SLC9A1: variants seen among roughly 807,000 people sequenced by gnomAD.
SLC9A1 encodes sodium/hydrogen exchanger 1.
In SLC9A1, 22 loss-of-function variants were observed where a neutral mutation model predicts 67.9. The ratio of observed to expected loss-of-function variants is 0.32; its 90% CI spans 0.23 to 0.46. The LOEUF is 0.46. Ranked by LOEUF, SLC9A1 falls within the 20% of genes least tolerant of loss-of-function variation. The pLI is 1.00. For missense variants in SLC9A1, 686 were observed against 1,094.8 expected (o/e 0.63, Z 5.27); for synonymous variants, 421 against 471.8 (o/e 0.89, Z 1.40).
At position 27,114,030 on chromosome 1, in the gene SLC9A1, G is replaced by A; in HGVS notation, c.609C>T (p.Phe203=). 6.2e-7 allele frequency: 1 copy of A among 1,614,162 alleles called. No homozygotes were observed. The highest frequency in any genetic ancestry group is 1.3e-5 in the African/African-American group (1 of 75,080). ...AVVGTLWNAF[F]LGGLMYAVCL... is the part of the protein sequence containing the mutation. Reference sequence around the variant, plus strand: ...ACACGGCGTACATGAGGCCGCCCAGGAAGAAGGCGTTCCACAGCGTGCCCA... The same window carrying A: ...ACACGGCGTACATGAGGCCGCCCAGAAAGAAGGCGTTCCACAGCGTGCCCA... The change falls in exon 2 of 12, where the codon TTC becomes TTT. Residue 203 remains phenylalanine (F), a synonymous_variant. Transcript: ENST00000263980. This position sits in a 1 kb window ranked among gnomAD's most constrained non-coding sequence, Gnocchi z 5.4.
rs1275212048 is a variant in SLC9A1, at chr1:27,101,071, G to C, written c.2110+132C>G. On this transcript the variant is annotated intron_variant, in intron 11 of 11. Transcript: ENST00000263980. The surrounding 1 kb of genome is among the most constrained non-coding windows in gnomAD (Gnocchi z 4.9). ...CTGACGTAGAAGCAGCTCATGGCTT[G>C]GGAGGGGATCCTGAGGTCAGCGAGG... is the stretch of plus-strand genomic sequence containing the variant. 1 of 675,856 alleles carries C rather than the reference G, an allele frequency of 1.5e-6. No homozygotes were observed. Among genetic ancestry groups the C allele is most frequent in the Admixed American group, 2.4e-5 (1 of 41,336 alleles). 41.9% of individuals were successfully genotyped at this position (675,856 alleles called of 1,614,324 possible).
At chr1:27,110,546 G>A (rs2083221021) in intron 2 of SLC9A1, among the ~76,000 whole-genome samples, 1 of 152,206 alleles carries the variant, frequency 6.6e-6, no homozygotes, top group Non-Finnish European at 1.5e-5. Flanking sequence ...ACCATCAGAT[G>A]TTTAAGTGGC....
chr1:27,099,792 G>A lies in SLC9A1; in HGVS notation c.*515C>T, dbSNP rs1315242642. 1 of 153,952 alleles carries A rather than the reference G, an allele frequency of 6.5e-6. No individual in the cohort carries two copies. The highest frequency in any genetic ancestry group is 1.4e-5 in the Non-Finnish European group (1 of 69,128). The allele number at this position is 153,952 out of a possible 1,614,324, so 9.5% of individuals were successfully genotyped here. ...AGGTTGGGTGGTGGCCAGGGTGACA[G>A]AGCTGGCAGGAGGAGTGTGAGACCT... On this transcript the variant is annotated 3_prime_UTR_variant, in exon 12 of 12. Coordinates refer to ENST00000263980, the MANE Select transcript of SLC9A1 (RefSeq NM_003047.5).
intron 6 of SLC9A1, 79 bp from the exon 7 acceptor site, chr1:27,102,822 T>A: frequency 7.9e-7 from 1 of 1,263,602 alleles, no homozygotes; most frequent in Non-Finnish European, 1.1e-6. Context: ...CCCCACTCCC[T>A]CCCGTAGCTG....
rs2083181094 is a variant in SLC9A1 at position 27,105,877 on chromosome 1, C to A, written c.1485+8G>T. On this transcript the variant is annotated splice_region_variant and intron_variant, in intron 5 of 11. Coordinates refer to ENST00000263980, the MANE Select transcript of SLC9A1 (RefSeq NM_003047.5). ...AAGGCAAGGGCCTGCCCTGCCCTGG[C>A]CCAGCACCTGCACAAAGACGGTGAA... The A allele has an allele frequency of 6.2e-7, 1 of 1,612,750 alleles. No individual in the cohort carries two copies.
intron 2 of SLC9A1, among the ~76,000 whole-genome samples, chr1:27,110,014 G>C (rs1443183227): frequency 6.6e-6 from 1 of 152,218 alleles, no homozygotes; most frequent in African/African-American, 2.4e-5. Context: ...GGGAAGCTCT[G>C]TGAAGACCCT....
Position 27,101,319 on chromosome 1 carries a change from AGG to A in SLC9A1, c.2038-46_2038-45del, listed in dbSNP as rs1441713343. 4.6e-6 allele frequency: 7 copies of A among 1,519,724 alleles called. No individual in the cohort carries two copies. In the East Asian group the frequency reaches 1.6e-4, roughly 34 times the overall value. The allele number at this position is 1,519,724 out of a possible 1,614,324, so 94.1% of individuals were successfully genotyped here. A position where few individuals can be genotyped will look rare whatever the true frequency, so the allele number is the denominator to read the frequency against. On this transcript the variant is annotated intron_variant, in intron 10 of 11. Coordinates refer to ENST00000263980, the MANE Select transcript of SLC9A1 (RefSeq NM_003047.5). This position sits in a 1 kb window ranked among gnomAD's most constrained non-coding sequence, Gnocchi z 4.9. ...GGGGTGAGCACAGGCAGCTGGGCAG[AGG>A]GAGCCCCTCAGGACAGAACCCGGCC... is the stretch of plus-strand genomic sequence containing the variant.
chr1:27,136,428 C>T (rs999061216), intron 1 of SLC9A1, among the ~76,000 whole-genome samples: 4 of 152,234 alleles, frequency 2.6e-5, no homozygotes, highest in Non-Finnish European at 5.9e-5. Context: ...TTGGCCCCGC[C>T]CACTGGGCCA....
chr1:27,113,717 C>T, intron 2 of SLC9A1, 109 bp downstream of exon 2: 2 of 846,770 alleles, frequency 2.4e-6, no homozygotes, highest in Non-Finnish European at 3.8e-6. Flanking sequence ...CGGGAATGTG[C>T]CTCAGCTGTT....
chr1:27,150,711 C>T (rs1243924628), intron 1 of SLC9A1, among the ~76,000 whole-genome samples: 1 of 152,196 alleles, frequency 6.6e-6, no homozygotes, highest in East Asian at 1.9e-4. Flanking sequence ...ATGTCACCCA[C>T]TGAGTCAGAG....
At chr1:27,102,839 T>A in intron 6 of SLC9A1, 96 bp from the exon 7 acceptor site, 1 of 1,107,192 alleles carries the variant, frequency 9.0e-7, no homozygotes, top group Non-Finnish European at 1.3e-6. Flanking sequence ...GCTGCAGCCC[T>A]GCTGGGTCCA....
Position 27,101,192 on chromosome 1 carries a change from C to T in SLC9A1, c.2110+11G>A. 4 of 1,607,560 alleles carry T rather than the reference C, an allele frequency of 2.5e-6. No individual in the cohort carries two copies. The highest frequency in any genetic ancestry group is 3.4e-6 in the Non-Finnish European group (4 of 1,178,862). On this transcript the variant is annotated intron_variant, in intron 11 of 11. Coordinates refer to ENST00000263980, the MANE Select transcript of SLC9A1 (RefSeq NM_003047.5). This position sits in a 1 kb window ranked among gnomAD's most constrained non-coding sequence, Gnocchi z 4.9. ...AGTGCCCAGTCCTGAGGCCCCTCGC[C>T]AGGCCCTTACCTGAGCCGATGCGGG...
At position 27,137,500 on chromosome 1, in the gene SLC9A1, G is replaced by C. The variant is rs1337497074; in HGVS notation, c.352+16483C>G. On this transcript the variant is annotated intron_variant, in intron 1 of 11. Coordinates refer to ENST00000263980, the MANE Select transcript of SLC9A1 (RefSeq NM_003047.5). The surrounding 1 kb of genome is among the most constrained non-coding windows in gnomAD (Gnocchi z 4.6). ...TTAACCTCCACACCTTTGCACATGG[G>C]GACCACAAAGTTGCAAGTGGGGGAG... is the stretch of plus-strand genomic sequence containing the variant. 6.6e-6 allele frequency among the ~76,000 whole-genome samples: 1 copy of C among 152,150 alleles called. No homozygotes were observed. The highest frequency in any genetic ancestry group is 1.5e-5 in the Non-Finnish European group (1 of 68,032).
chr1:27,154,520 A>G lies in SLC9A1; in HGVS notation c.-186T>C. ...GAGGGAGGCTGGGTTTGCAATCTGG[A>G]ACTCCAAAGTGGGGAAAGGGGGCAA... On this transcript the variant is annotated 5_prime_UTR_variant, in exon 1 of 12. Transcript: ENST00000263980. 1 of 526,740 alleles carries G rather than the reference A, an allele frequency of 1.9e-6. No homozygotes were observed. The highest frequency in any genetic ancestry group is 3.3e-6 in the Non-Finnish European group (1 of 298,902). The allele number at this position is 526,740 out of a possible 1,614,324, so 32.6% of individuals were successfully genotyped here.
chr1:27,142,427 A>G (rs1424402872), intron 1 of SLC9A1, among the ~76,000 whole-genome samples: 1 of 152,234 alleles, frequency 6.6e-6, no homozygotes, highest in Non-Finnish European at 1.5e-5. Flanking sequence ...AGAATATTCT[A>G]TACTTTCATT....
chr1:27,123,071 C>G (rs1199244656), intron 1 of SLC9A1, among the ~76,000 whole-genome samples: 1 of 152,170 alleles, frequency 6.6e-6, no homozygotes, highest in African/African-American at 2.4e-5. Flanking sequence ...TCCAAAGACT[C>G]TCATGGCTGG....
intron 1 of SLC9A1, among the ~76,000 whole-genome samples, chr1:27,151,076 T>C (rs6696710): frequency 0.34 from 52,270 of 151,968 alleles, 9,397 homozygotes; most frequent in African/African-American, 0.39. Context: ...CCTCCCGCCA[T>C]GACCAGCTCA....
At position 27,101,346 on chromosome 1, in the gene SLC9A1, C is replaced by T; in HGVS notation, c.2038-71G>A. 1 of 1,187,460 alleles carries T rather than the reference C, an allele frequency of 8.4e-7. No homozygotes were observed. The highest frequency in any genetic ancestry group is 1.2e-6 in the Non-Finnish European group (1 of 806,364). The allele number at this position is 1,187,460 out of a possible 1,614,324, so 73.6% of individuals were successfully genotyped here. On this transcript the variant is annotated intron_variant, in intron 10 of 11. Coordinates refer to ENST00000263980, the MANE Select transcript of SLC9A1 (RefSeq NM_003047.5). The surrounding 1 kb of genome is among the most constrained non-coding windows in gnomAD (Gnocchi z 4.9). ...GGAGCCCCTCAGGACAGAACCCGGC[C>T]AGTGCACACCCCACCTTTCGTATAT...
intron 1 of SLC9A1, among the ~76,000 whole-genome samples, chr1:27,123,962 G>A (rs894415055): frequency 1.3e-5 from 2 of 152,164 alleles, no homozygotes; most frequent in Non-Finnish European, 2.9e-5. Flanking sequence ...GAGTAGCTGG[G>A]ATTACAGGTG....
Sources: allele counts gnomAD v4.1 joint callset (sites outside exome capture counted in the v4.1 genomes callset), GRCh38; gene constraint gnomAD v4.1.1; non-coding constraint Gnocchi (gnomAD v3.1); transcripts MANE v1.5; gene names NCBI Gene and HGNC (gene_info 2026-07-23, HGNC 2026-07-21).